RFX3: variants seen among roughly 807,000 people sequenced by gnomAD.
RFX3 encodes the protein transcription factor RFX3.
A neutral mutation model predicts 98.6 loss-of-function variants in RFX3; 14 were observed. The observed-to-expected ratio is 0.14, with a 90% CI of 0.09 to 0.22. RFX3 has a LOEUF of 0.22. Among genes scored for constraint, RFX3 ranks in the 10% least tolerant of loss-of-function variants. The pLI, the probability that RFX3 is intolerant of heterozygous loss-of-function variation, is 1.00. For missense variants in RFX3, 639 were observed against 926.9 expected (o/e 0.69, Z 4.03); for synonymous variants, 383 against 328.4 (o/e 1.17, Z -1.80).
chr9:3,314,164 A>G (rs1830294637), intron 4 of RFX3, among the ~76,000 whole-genome samples: 1 of 152,254 alleles, frequency 6.6e-6, no homozygotes, highest in Non-Finnish European at 1.5e-5. Context: ...TCAGACTAAC[A>G]GCGGATCTCT....
intron 4 of RFX3, among the ~76,000 whole-genome samples, chr9:3,329,565 T>C (rs1025225672): frequency 2.0e-5 from 3 of 152,122 alleles, no homozygotes; most frequent in South Asian, 2.1e-4. Flanking sequence ...GAATCACCTA[T>C]AGTAATGCTT....
At chr9:3,503,210 T>C (rs1363758647) in intron 1 of RFX3, among the ~76,000 whole-genome samples, 1 of 152,162 alleles carries the variant, frequency 6.6e-6, no homozygotes, top group Non-Finnish European at 1.5e-5. Context: ...ACTTCAGACA[T>C]AAATGCCTGG....
At chr9:3,425,762 T>A (rs183746833) in intron 1 of RFX3, among the ~76,000 whole-genome samples, 1 of 152,230 alleles carries the variant, frequency 6.6e-6, no homozygotes, top group Non-Finnish European at 1.5e-5. Context: ...TTCACCTCTG[T>A]AATTGCAATT....
intron 4 of RFX3, among the ~76,000 whole-genome samples, chr9:3,328,073 T>G (rs905312878): frequency 2.6e-5 from 4 of 152,094 alleles, no homozygotes; most frequent in African/African-American, 9.7e-5. Flanking sequence ...TAGGAATACC[T>G]AGAAGAGGTG....
At chr9:3,371,386 T>A (rs1702436088) in intron 2 of RFX3, among the ~76,000 whole-genome samples, 1 of 152,152 alleles carries the variant, frequency 6.6e-6, no homozygotes, top group East Asian at 1.9e-4. Flanking sequence ...GTACTTAGGA[T>A]TAAATAAGTG....
At chr9:3,484,160 T>C (rs945187381) in intron 1 of RFX3, among the ~76,000 whole-genome samples, 7 of 152,234 alleles carry the variant, frequency 4.6e-5, no homozygotes, top group African/African-American at 1.4e-4. Flanking sequence ...CAAATTAGTT[T>C]GCTATAAATA....
chr9:3,516,177 T>C (rs898260861), intron 1 of RFX3, among the ~76,000 whole-genome samples: 1 of 151,724 alleles, frequency 6.6e-6, no homozygotes, highest in Non-Finnish European at 1.5e-5. Flanking sequence ...GCCTCCCGAG[T>C]AGCTAGGACT....
intron 8 of RFX3, 120 bp from the exon 9 acceptor site, chr9:3,275,732 G>A: frequency 1.8e-6 from 1 of 544,742 alleles, no homozygotes; most frequent in East Asian, 2.9e-5. Context: ...GGGGTCCAGA[G>A]AGCAAGGACA....
intron 7 of RFX3, among the ~76,000 whole-genome samples, chr9:3,279,343 C>A (rs138115057): frequency 6.6e-6 from 1 of 151,808 alleles, no homozygotes; most frequent in African/African-American, 2.4e-5. Flanking sequence ...CATGTTTCTT[C>A]ATTTAAGTTA....
chr9:3,328,173 G>A (rs528780851), intron 4 of RFX3, among the ~76,000 whole-genome samples: 3 of 152,128 alleles, frequency 2.0e-5, no homozygotes, highest in South Asian at 2.1e-4. Flanking sequence ...ATTTTGCCCC[G>A]TTTTTCAGTT....
At chr9:3,514,564 C>T (rs546566583) in intron 1 of RFX3, among the ~76,000 whole-genome samples, 1 of 152,056 alleles carries the variant, frequency 6.6e-6, no homozygotes, top group Non-Finnish European at 1.5e-5. Context: ...AATACACCCA[C>T]CTCAGTCCTG....
At chr9:3,487,366 C>T (rs78291587) in intron 1 of RFX3, among the ~76,000 whole-genome samples, 3,937 of 152,186 alleles carry the variant, frequency 0.026, 123 homozygotes, top group African/African-American at 0.072. Context: ...TATAATTTTT[C>T]ACATTTACAT....
intron 16 of RFX3, among the ~76,000 whole-genome samples, chr9:3,226,358 T>C (rs1394984508): frequency 6.6e-6 from 1 of 152,194 alleles, no homozygotes; most frequent in African/African-American, 2.4e-5. Context: ...ACAAGGCCCC[T>C]TGACTTTTCT....
intron 1 of RFX3, among the ~76,000 whole-genome samples, chr9:3,473,895 AT>A (rs1316983870): frequency 6.6e-6 from 1 of 152,218 alleles, no homozygotes; most frequent in Non-Finnish European, 1.5e-5. Context: ...ATAGGCAAAG[AT>A]AAGAGAAATA....
chr9:3,461,028 T>G (rs1847639829), intron 1 of RFX3, among the ~76,000 whole-genome samples: 1 of 151,472 alleles, frequency 6.6e-6, no homozygotes. Context: ...TGGTACATTT[T>G]AACATTCATC....
chr9:3,459,547 G>A (rs755454395), intron 1 of RFX3, among the ~76,000 whole-genome samples: 2 of 152,048 alleles, frequency 1.3e-5, no homozygotes, highest in Non-Finnish European at 2.9e-5. Context: ...ACTAAAAAGC[G>A]ACCCGAATCA....
chr9:3,235,696 G>A (rs896846100), intron 15 of RFX3, among the ~76,000 whole-genome samples: 2 of 152,114 alleles, frequency 1.3e-5, no homozygotes, highest in South Asian at 2.1e-4. Context: ...AGCCAGTGAT[G>A]TCAGGTTGAG....
intron 1 of RFX3, among the ~76,000 whole-genome samples, chr9:3,435,890 C>G (rs903585228): frequency 1.3e-5 from 2 of 150,472 alleles, no homozygotes; most frequent in Non-Finnish European, 3.0e-5. Context: ...TGATGCTGCT[C>G]TCTCAACAAT....
rs575216391 is a variant in RFX3 at position 3,346,750 on chromosome 9, C to T, written c.132G>A (p.Gln44=). Residue 44 remains glutamine (Q), a synonymous_variant, in exon 3 of 17, where the codon CAG becomes CAA. Transcript: ENST00000617270. ...VPVQQQVQQV[Q]TVQQVQHVYP... is the part of the protein sequence containing the mutation. ...AGACATGTTGTACCTGCTGCACAGT[C>T]TGTACCTGCTGTACCTGAAAAACAA... The T allele has an allele frequency of 1.2e-6, 2 of 1,611,572 alleles. No individual in the cohort carries two copies. Among genetic ancestry groups the T allele is most frequent in the African/African-American group, 2.7e-5 (2 of 74,856 alleles).
Sources: gnomAD v4.1 joint callset for allele counts (sites outside exome capture counted in the v4.1 genomes callset) on GRCh38, gnomAD v4.1.1 for gene constraint, MANE v1.5 for transcripts, NCBI Gene and HGNC (gene_info 2026-07-23, HGNC 2026-07-21) for gene names.